The following TACC1 variants were observed in gnomAD, a reference collection of about 807,000 sequenced individuals.
TACC1 encodes transforming acidic coiled-coil-containing protein 1.
In TACC1, 48 loss-of-function variants were observed where a neutral mutation model predicts 84.4. The ratio of observed to expected loss-of-function variants is 0.57; its 90% CI spans 0.45 to 0.72. TACC1 has a LOEUF of 0.72. Among genes scored for constraint, TACC1 ranks in the 30% least tolerant of loss-of-function variants. The pLI is 0.00. For missense variants in TACC1, 920 were observed against 973.0 expected (o/e 0.95, Z 0.72); for synonymous variants, 372 against 376.3 (o/e 0.99, Z 0.13).
At chr8:38,815,431 G>GTTTT (rs1825206525) in intron 2 of TACC1, among the ~76,000 whole-genome samples, 1 of 151,898 alleles carries the variant, frequency 6.6e-6, no homozygotes, top group Non-Finnish European at 1.5e-5. Context: ...TTGTTTGTTT[G>GTTTT]TTTTTGAGAC....
intron 11 of TACC1, 80 bp from the exon 12 acceptor site, chr8:38,846,619 G>A: frequency 6.5e-7 from 1 of 1,546,974 alleles, no homozygotes; most frequent in Admixed American, 1.8e-5. Context: ...AGATGTCAGT[G>A]GTTAGTATCC....
At chr8:38,847,860 G>A (rs1414165568) in intron 12 of TACC1, 95 bp from the exon 13 acceptor site, 4 of 1,004,418 alleles carry the variant, frequency 4.0e-6, no homozygotes, top group Non-Finnish European at 6.2e-6. Flanking sequence ...AGGATGTCTA[G>A]GGTAGGGTAG....
At chr8:38,782,547 G>A (rs1317781199), upstream of TACC1, among the ~76,000 whole-genome samples, 4 of 152,162 alleles carry the variant, frequency 2.6e-5, no homozygotes, top group Admixed American at 1.3e-4. Context: ...GTAATGGGAC[G>A]GCTGGGTCAA....
chr8:38,838,650 G>A, intron 8 of TACC1, 104 bp downstream of exon 8: 1 of 929,488 alleles, frequency 1.1e-6, no homozygotes, highest in Non-Finnish European at 1.7e-6. Flanking sequence ...ACCAAGTGTT[G>A]AGAGCTTGAG....
intron 2 of TACC1, among the ~76,000 whole-genome samples, chr8:38,818,402 T>C (rs1160691213): frequency 1.3e-5 from 2 of 152,218 alleles, no homozygotes; most frequent in Non-Finnish European, 2.9e-5. Flanking sequence ...GTTTCAGATA[T>C]CTACGTTAGG....
At chr8:38,756,079 G>A (rs1662607576) in intron 3 of TACC1, among the ~76,000 whole-genome samples, 1 of 151,984 alleles carries the variant, frequency 6.6e-6, no homozygotes, top group Admixed American at 6.6e-5. Context: ...CTCCCAAAGT[G>A]CTGGGATTAC....
chr8:38,762,009 C>A (rs1811303450), intron 3 of TACC1, among the ~76,000 whole-genome samples: 1 of 152,118 alleles, frequency 6.6e-6, no homozygotes, highest in Non-Finnish European at 1.5e-5. Context: ...TTTGTATCTA[C>A]TGAATTTAGA....
chr8:38,843,909 G>A (rs1831729541), intron 11 of TACC1, among the ~76,000 whole-genome samples: 1 of 152,094 alleles, frequency 6.6e-6, no homozygotes, highest in Admixed American at 6.6e-5. Context: ...GCATGCCTGT[G>A]AGTTATCTTT....
In TACC1 at chr8:38,787,614, C is replaced by T. The variant is rs1392962748; in HGVS notation, c.32C>T (p.Pro11Leu). MAFSPWQILSPVQWAKWTWSA... is the reference protein window; with the variant it reads MAFSPWQILSLVQWAKWTWSA... ...TTCAGCCCGTGGCAGATCCTGTCCC[C>T]CGTGCAGTGGGCGAAATGGACGTGG... Residue 11 changes from proline (P) to leucine (L), a missense_variant, in exon 1 of 13, where the codon CCC (proline) becomes CTC (leucine). Transcript: ENST00000317827. 1.9e-6 allele frequency: 3 copies of T among 1,546,196 alleles called. No individual in the cohort carries two copies. The highest frequency in any genetic ancestry group is 2.6e-6 in the Non-Finnish European group (3 of 1,144,694).
intron 3 of TACC1, among the ~76,000 whole-genome samples, chr8:38,772,298 A>G (rs1305948148): frequency 2.0e-5 from 3 of 152,256 alleles, no homozygotes; most frequent in Non-Finnish European, 2.9e-5. Context: ...CAGTTTGGCT[A>G]TGTGTATCAA....
chr8:38,821,184 G>T (rs1826715694), intron 3 of TACC1, among the ~76,000 whole-genome samples: 1 of 150,886 alleles, frequency 6.6e-6, no homozygotes, highest in Non-Finnish European at 1.5e-5. Flanking sequence ...CAGCCTGGGT[G>T]ACAGCAAGAC....
At chr8:38,808,896 C>A (rs570238545) in intron 2 of TACC1, among the ~76,000 whole-genome samples, 2 of 151,988 alleles carry the variant, frequency 1.3e-5, no homozygotes, top group Admixed American at 6.5e-5. Flanking sequence ...GAGCATTCTT[C>A]TCCCACCCAC....
upstream of TACC1, among the ~76,000 whole-genome samples, chr8:38,787,033 G>A (rs1817318377): frequency 6.6e-6 from 1 of 151,684 alleles, no homozygotes; most frequent in Non-Finnish European, 1.5e-5. Context: ...ATCTCCCCGC[G>A]CAGCCGGCAA....
chr8:38,736,118 G>T (rs1040633800), intron 1 of TACC1, among the ~76,000 whole-genome samples: 1 of 152,144 alleles, frequency 6.6e-6, no homozygotes, highest in African/African-American at 2.4e-5. Context: ...TCCTTTTGAT[G>T]TTGACCTCCG....
rs958635908 is a variant in TACC1, at chr8:38,787,360, G to C, written c.-223G>C. The stretch of plus-strand genomic sequence containing the variant: ...TGGAGCCCGGCGCGGGGCCCGCTGC[G>C]GCCGCACCGTGAGGGGAGGAGGCCG... On this transcript the variant is annotated 5_prime_UTR_variant, in exon 1 of 13. Transcript: ENST00000317827. 3.0e-6 allele frequency: 4 copies of C among 1,312,406 alleles called. No homozygotes were observed. The African/African-American group carries it at 6.2e-5, about 20-fold the overall frequency. The allele number at this position is 1,312,406 out of a possible 1,614,324, so 81.3% of individuals were successfully genotyped here.
intron 8 of TACC1, 165 bp from the exon 9 acceptor site, chr8:38,840,059 T>TAAAAAAAAA (rs11440274): frequency 5.4e-6 from 1 of 184,604 alleles, no homozygotes; most frequent in African/African-American, 3.4e-5. Flanking sequence ...TTATATAATG[T>TAAAAAAAAA]AAAAAAAAAA....
At chr8:38,784,027 G>A (rs963993478), upstream of TACC1, among the ~76,000 whole-genome samples, 2 of 152,200 alleles carry the variant, frequency 1.3e-5, no homozygotes, top group African/African-American at 4.8e-5. Flanking sequence ...CTGAGGTAGG[G>A]CAGAAAAGCA....
At chr8:38,817,374 A>G (rs540413731) in intron 2 of TACC1, among the ~76,000 whole-genome samples, 3 of 152,252 alleles carry the variant, frequency 2.0e-5, no homozygotes, top group Non-Finnish European at 2.9e-5. Flanking sequence ...CTCTGTACAC[A>G]TAAGTGAAAT....
chr8:38,768,107 G>T (rs1812619846), intron 3 of TACC1, among the ~76,000 whole-genome samples: 1 of 149,852 alleles, frequency 6.7e-6, no homozygotes, highest in East Asian at 2.0e-4. Context: ...AAGGAAGGAA[G>T]GAAGGAAGGA....
Sources: allele counts gnomAD v4.1 joint callset (sites outside exome capture counted in the v4.1 genomes callset), GRCh38; gene constraint gnomAD v4.1.1; transcripts MANE v1.5; gene names NCBI Gene and HGNC (gene_info 2026-07-23, HGNC 2026-07-21).